Variants in SLC35D4 observed in about 807,000 individuals in gnomAD.
The protein encoded by SLC35D4 is solute carrier family 35 member D4, also known as UDP-N-acetylglucosamine transporter SLC35D4.
At chr18:23,398,281 T>C in the SLC35D4 span, among the ~76,000 whole-genome samples, 3 of 152,214 alleles carry the variant, frequency 2.0e-5, no homozygotes, top group Non-Finnish European at 2.9e-5. Flanking sequence ...CAAAAAGTAT[T>C]ATCATTATGA....
At chr18:23,318,513 A>G in the SLC35D4 span, among the ~76,000 whole-genome samples, 2 of 152,304 alleles carry the variant, frequency 1.3e-5, no homozygotes, top group Middle Eastern at 3.4e-3. Context: ...CTAAGTCACT[A>G]TTTCAACCAA....
chr18:23,353,076 AGTGTGTGTGTGTGTGTGT>A, the SLC35D4 span, among the ~76,000 whole-genome samples: 18,098 of 126,608 alleles, frequency 0.14, 1,225 homozygotes, highest in Middle Eastern at 0.22. Flanking sequence ...TGAGACAGAC[AGTGTGTGTGTGTGTGTGT>A]GTGTGTGTGT....
At chr18:23,352,083 C>G in the SLC35D4 span, 4 of 781,654 alleles carry the variant, frequency 5.1e-6, no homozygotes, top group Non-Finnish European at 8.0e-6. Flanking sequence ...GGCTCAGGGA[C>G]AGCGCCTAGA....
At chr18:23,248,066 C>T in the SLC35D4 span, among the ~76,000 whole-genome samples, 7 of 152,350 alleles carry the variant, frequency 4.6e-5, no homozygotes, top group South Asian at 4.1e-4. Flanking sequence ...GAGCCTCTCC[C>T]GCAAGACCCG....
chr18:23,412,125 G>C, the SLC35D4 span, among the ~76,000 whole-genome samples: 2 of 152,118 alleles, frequency 1.3e-5, no homozygotes, highest in Non-Finnish European at 2.9e-5. Flanking sequence ...TTCGAGGTCA[G>C]CCTGGCCAAC....
the SLC35D4 span, chr18:23,352,152 C>T: frequency 9.6e-4 from 1,480 of 1,544,704 alleles, 14 homozygotes; most frequent in African/African-American, 0.019. Flanking sequence ...TCTTTGGATA[C>T]ACAGGCTCTT....
chr18:23,290,477 AAATACCCCCAGACT>A, the SLC35D4 span, among the ~76,000 whole-genome samples: 1 of 152,226 alleles, frequency 6.6e-6, no homozygotes, highest in East Asian at 1.9e-4. Flanking sequence ...CAGGGAGAAC[AAATACCCCCAGACT>A]ATATGCTAAG....
chr18:23,308,654 C>T, the SLC35D4 span, among the ~76,000 whole-genome samples: 1 of 152,152 alleles, frequency 6.6e-6, no homozygotes, highest in Non-Finnish European at 1.5e-5. Flanking sequence ...CTCCCCACCC[C>T]TTGGCACCGT....
the SLC35D4 span, among the ~76,000 whole-genome samples, chr18:23,317,154 T>TACACACACAC: frequency 1.3e-5 from 2 of 149,812 alleles, no homozygotes; most frequent in Admixed American, 6.6e-5. Flanking sequence ...TGGGAGAAGT[T>TACACACACAC]ACACACACAC....
the SLC35D4 span, among the ~76,000 whole-genome samples, chr18:23,260,952 T>C: frequency 6.4e-4 from 97 of 152,252 alleles, 2 homozygotes; most frequent in East Asian, 9.6e-3. Context: ...TCTTGCCACC[T>C]GCACACAGCC....
the SLC35D4 span, among the ~76,000 whole-genome samples, chr18:23,389,787 C>G: frequency 1.3e-5 from 2 of 152,202 alleles, no homozygotes; most frequent in Admixed American, 1.3e-4. Context: ...AATTCACCCA[C>G]CTCGGCCTCT....
the SLC35D4 span, among the ~76,000 whole-genome samples, chr18:23,385,914 G>A: frequency 1.3e-5 from 2 of 151,864 alleles, no homozygotes; most frequent in African/African-American, 2.4e-5. Flanking sequence ...AGTGAATCAC[G>A]AGGTCAGGAG....
the SLC35D4 span, among the ~76,000 whole-genome samples, chr18:23,392,139 C>T: frequency 6.6e-5 from 10 of 151,702 alleles, no homozygotes; most frequent in African/African-American, 2.2e-4. Context: ...GGTTTTGCCA[C>T]GTTGGCCAGG....
the SLC35D4 span, among the ~76,000 whole-genome samples, chr18:23,255,781 G>C: frequency 6.6e-6 from 1 of 151,840 alleles, no homozygotes; most frequent in Non-Finnish European, 1.5e-5. Context: ...GGCTAGTCTC[G>C]AACTCCTGGC....
At chr18:23,331,141 CAGGTGTGCCGTTTTCCATAATTAGT>C in the SLC35D4 span, 1 of 152,258 alleles carries the variant, frequency 6.6e-6, no homozygotes, top group Non-Finnish European at 1.5e-5. Flanking sequence ...GAGAGAGTGG[CAGGTGTGCCGTTTTCCATAATTAGT>C]CACAGCCCCT....
chr18:23,418,940 G>A, the SLC35D4 span, among the ~76,000 whole-genome samples: 22 of 151,692 alleles, frequency 1.5e-4, no homozygotes, highest in South Asian at 1.3e-3. Context: ...CCCGGGAGAC[G>A]GAGCTTGCAG....
chr18:23,337,343 C>T, the SLC35D4 span, among the ~76,000 whole-genome samples: 7 of 151,782 alleles, frequency 4.6e-5, no homozygotes, highest in African/African-American at 9.7e-5. Context: ...GGCATGGTGG[C>T]GGGCACCTGT....
At chr18:23,274,774 A>G in the SLC35D4 span, among the ~76,000 whole-genome samples, 1 of 152,218 alleles carries the variant, frequency 6.6e-6, no homozygotes, top group African/African-American at 2.4e-5. Context: ...TCTCCCTCTC[A>G]GTCTCACATC....
At chr18:23,324,014 C>T in the SLC35D4 span, among the ~76,000 whole-genome samples, 56 of 147,516 alleles carry the variant, frequency 3.8e-4, no homozygotes, top group Admixed American at 1.3e-3. Context: ...ACCCAGGAGG[C>T]GGAGGTTGCA....
Sources: gnomAD v4.1 joint callset for allele counts (sites outside exome capture counted in the v4.1 genomes callset) on GRCh38, gnomAD v4.1.1 for gene constraint, MANE v1.5 for transcripts, NCBI Gene and HGNC (gene_info 2026-07-23, HGNC 2026-07-21) for gene names.